ANKS1B: variants seen among roughly 807,000 people sequenced by gnomAD.
ANKS1B encodes the protein ankyrin repeat and sterile alpha motif domain containing 1B, also known as ankyrin repeat and sterile alpha motif domain-containing protein 1B.
A neutral mutation model predicts 148.3 loss-of-function variants in ANKS1B; 36 were observed. The ratio of observed to expected loss-of-function variants is 0.24; its 90% CI spans 0.19 to 0.32. The LOEUF (loss-of-function observed/expected upper bound fraction) is 0.32, where lower values mean the gene tolerates loss of function less well. Ranked by LOEUF, ANKS1B falls within the 10% of genes least tolerant of loss-of-function variation. The pLI is 1.00. For synonymous variants in ANKS1B, 542 were observed against 560.8 expected (o/e 0.97, Z 0.47); for missense variants, 1,157 against 1,542.6 (o/e 0.75, Z 4.19).
At chr12:99,666,857 GGTGTGTGTGTGTGTGTGTGTGTGT>G (rs3083633) in intron 8 of ANKS1B, among the ~76,000 whole-genome samples, 3 of 132,628 alleles carry the variant, frequency 2.3e-5, no homozygotes, top group East Asian at 2.1e-4. Context: ...GTTACTATGG[GGTGTGTGTGTGTGTGTGTGTGTGT>G]GTGTGTGTGT....
chr12:99,638,394 G>C (rs546518726), intron 9 of ANKS1B, among the ~76,000 whole-genome samples: 166 of 152,296 alleles, frequency 1.1e-3, no homozygotes, highest in Non-Finnish European at 1.9e-3. Flanking sequence ...CCAGGCTGAG[G>C]TGTCTCAGAT....
chr12:98,954,405 C>G (rs1415572342), intron 17 of ANKS1B: 1 of 152,174 alleles, frequency 6.6e-6, no homozygotes, highest in Admixed American at 6.5e-5. Context: ...TGAATGTAAC[C>G]TCTTCAAAAT....
intron 19 of ANKS1B, among the ~76,000 whole-genome samples, chr12:98,811,441 C>T (rs1219692449): frequency 6.6e-6 from 1 of 152,184 alleles, no homozygotes; most frequent in African/African-American, 2.4e-5. Context: ...GGGCATCCCT[C>T]CCCAAGACTC....
chr12:98,967,657 G>A (rs1281397405), intron 17 of ANKS1B, among the ~76,000 whole-genome samples: 18 of 102,608 alleles, frequency 1.8e-4, no homozygotes, highest in African/African-American at 4.2e-4. Context: ...AAGAGGAGGG[G>A]AGAGGAGGGG....
At chr12:99,575,235 G>C (rs779895361) in intron 9 of ANKS1B, among the ~76,000 whole-genome samples, 4 of 152,020 alleles carry the variant, frequency 2.6e-5, no homozygotes, top group Non-Finnish European at 4.4e-5. Flanking sequence ...GGGACCTATA[G>C]TCAGCATCCT....
At chr12:99,283,694 C>T (rs1346994458) in intron 12 of ANKS1B, among the ~76,000 whole-genome samples, 17 of 152,176 alleles carry the variant, frequency 1.1e-4, no homozygotes, top group Non-Finnish European at 4.4e-5. Flanking sequence ...ATTGTTGTAG[C>T]TAGACACCTT....
intron 17 of ANKS1B, among the ~76,000 whole-genome samples, chr12:98,855,621 G>A (rs1033353679): frequency 6.6e-6 from 1 of 152,096 alleles, no homozygotes; most frequent in African/African-American, 2.4e-5. Context: ...AAAATAAACT[G>A]TTTTTCATAA....
At chr12:99,405,540 T>C (rs2094511172) in intron 11 of ANKS1B, among the ~76,000 whole-genome samples, 1 of 144,712 alleles carries the variant, frequency 6.9e-6, no homozygotes, top group African/African-American at 2.6e-5. Context: ...AATCCTACAA[T>C]AGATACATAA....
At position 99,015,686 on chromosome 12, in the gene ANKS1B, G is replaced by GTATTA. The variant is rs1178340650; in HGVS notation, c.2778+37470_2778+37471insTAATA. On this transcript the variant is annotated intron_variant, in intron 17 of 26. Transcript: ENST00000683438. Reference sequence around the variant, plus strand: ...TCTAGACCATCCTGGCTAACACGATGAAACACCGTCTCTATTAAAAATACA... The same window carrying GTATTA: ...TCTAGACCATCCTGGCTAACACGATGTATTAAAACACCGTCTCTATTAAAAATACA... Among the ~76,000 whole-genome samples the GTATTA allele has an allele frequency of 9.9e-5, 15 of 152,260 alleles. No individual in the cohort carries two copies. The East Asian group carries it at 2.9e-3, about 29-fold the overall frequency.
chr12:98,857,806 T>C (rs1350168620), intron 17 of ANKS1B, among the ~76,000 whole-genome samples: 1 of 152,178 alleles, frequency 6.6e-6, no homozygotes, highest in East Asian at 1.9e-4. Flanking sequence ...GTTGAAGATG[T>C]AAAGACATCA....
At chr12:99,140,691 G>T (rs1158384723) in intron 15 of ANKS1B, among the ~76,000 whole-genome samples, 1 of 152,148 alleles carries the variant, frequency 6.6e-6, no homozygotes, top group Non-Finnish European at 1.5e-5. Flanking sequence ...AGTAGGTAAA[G>T]AACCATGGAA....
At chr12:98,887,562 C>T (rs2099742949) in intron 17 of ANKS1B, among the ~76,000 whole-genome samples, 1 of 151,982 alleles carries the variant, frequency 6.6e-6, no homozygotes, top group South Asian at 2.1e-4. Context: ...ATTGGAAGTT[C>T]AACAATTATT....
At chr12:99,327,853 C>T (rs2152252209) in intron 12 of ANKS1B, among the ~76,000 whole-genome samples, 1 of 151,724 alleles carries the variant, frequency 6.6e-6, no homozygotes, top group East Asian at 1.9e-4. Context: ...TTTATATTTT[C>T]TTCTCTTAAT....
intron 14 of ANKS1B, among the ~76,000 whole-genome samples, chr12:99,164,236 T>C: frequency 6.6e-6 from 1 of 152,214 alleles, no homozygotes; most frequent in South Asian, 2.1e-4. Flanking sequence ...TTTTTAACTT[T>C]AAAAAATGAG....
intron 9 of ANKS1B, among the ~76,000 whole-genome samples, chr12:99,625,283 G>T (rs1006703969): frequency 6.6e-6 from 1 of 151,984 alleles, no homozygotes; most frequent in African/African-American, 2.4e-5. Context: ...CCTACTGGTT[G>T]CTATGTTTAC....
intron 10 of ANKS1B, among the ~76,000 whole-genome samples, chr12:99,501,798 C>T (rs2096658611): frequency 6.6e-6 from 1 of 152,176 alleles, no homozygotes; most frequent in South Asian, 2.1e-4. Flanking sequence ...TTTAGTGCAG[C>T]ATTTATTTCC....
intron 17 of ANKS1B, among the ~76,000 whole-genome samples, chr12:98,840,432 A>C (rs1186095090): frequency 1.3e-5 from 2 of 152,210 alleles, no homozygotes; most frequent in Non-Finnish European, 2.9e-5. Context: ...TAACCTATGG[A>C]AAGGAAAAGA....
chr12:98,929,873 A>C (rs1477813951), intron 17 of ANKS1B, among the ~76,000 whole-genome samples: 1 of 152,130 alleles, frequency 6.6e-6, no homozygotes, highest in African/African-American at 2.4e-5. Flanking sequence ...AGAATCTTGG[A>C]TCAGGCATGA....
chr12:99,737,627 T>C (rs751498210), intron 8 of ANKS1B, among the ~76,000 whole-genome samples: 2 of 152,042 alleles, frequency 1.3e-5, no homozygotes, highest in Non-Finnish European at 2.9e-5. Context: ...AAGGTGTTTT[T>C]TGGCCACCTC....
Sources: gnomAD v4.1 joint callset for allele counts (sites outside exome capture counted in the v4.1 genomes callset) on GRCh38, gnomAD v4.1.1 for gene constraint, MANE v1.5 for transcripts, NCBI Gene and HGNC (gene_info 2026-07-23, HGNC 2026-07-21) for gene names.